The following PSD3 variants were observed in gnomAD, a reference collection of about 807,000 sequenced individuals.
The protein encoded by PSD3 is PH and SEC7 domain-containing protein 3.
A neutral mutation model predicts 105.5 loss-of-function variants in PSD3; 49 were observed. The observed-to-expected ratio is 0.46, with a 90% CI of 0.37 to 0.59. The LOEUF (loss-of-function observed/expected upper bound fraction) is 0.59, where lower values mean the gene tolerates loss of function less well. Among genes scored for constraint, PSD3 ranks in the 20% least tolerant of loss-of-function variants. PSD3 has a pLI of 0.00. For synonymous variants in PSD3, 557 were observed against 457.8 expected, an observed-to-expected ratio of 1.22 and a Z score of -2.77; for missense variants, 1,561 against 1,263.8, an observed-to-expected ratio of 1.24 and a Z score of -3.57.
chr8:18,542,446 A>C (rs1033665049), intron 15 of PSD3, among the ~76,000 whole-genome samples: 2 of 152,224 alleles, frequency 1.3e-5, no homozygotes, highest in Non-Finnish European at 1.5e-5. Context: ...TGCTGTTGGT[A>C]CTAAACAAAT....
chr8:18,645,482 G>C (rs1807962771), intron 10 of PSD3, among the ~76,000 whole-genome samples: 2 of 152,150 alleles, frequency 1.3e-5, no homozygotes, highest in South Asian at 4.1e-4. Context: ...CAGTCAGGGT[G>C]TCTTTGCTGA....
chr8:18,629,689 C>A (rs970183958), intron 11 of PSD3, among the ~76,000 whole-genome samples: 2 of 151,832 alleles, frequency 1.3e-5, no homozygotes, highest in African/African-American at 2.4e-5. Context: ...TCTGTCATAA[C>A]CGTCATAGGA....
At chr8:18,757,204 G>C (rs1806121980) in intron 9 of PSD3, among the ~76,000 whole-genome samples, 1 of 150,624 alleles carries the variant, frequency 6.6e-6, no homozygotes, top group South Asian at 2.1e-4. Flanking sequence ...TGGAATCCCA[G>C]CACTTTGGGA....
At chr8:19,033,921 G>C (rs1827856139) in intron 1 of PSD3, among the ~76,000 whole-genome samples, 1 of 152,108 alleles carries the variant, frequency 6.6e-6, no homozygotes, top group Non-Finnish European at 1.5e-5. Context: ...ATCTAGATTG[G>C]TTCATTGCCC....
intron 9 of PSD3, among the ~76,000 whole-genome samples, chr8:18,675,110 T>G (rs1479622258): frequency 6.6e-6 from 1 of 152,204 alleles, no homozygotes; most frequent in Non-Finnish European, 1.5e-5. Flanking sequence ...TCTCTCAAAG[T>G]ACTTTCTTGT....
chr8:18,702,440 G>A (rs970730441), intron 9 of PSD3, among the ~76,000 whole-genome samples: 1 of 152,036 alleles, frequency 6.6e-6, no homozygotes, highest in Non-Finnish European at 1.5e-5. Context: ...TTTTTGTATT[G>A]TGAATCATAG....
chr8:18,695,505 C>A (rs555214415), intron 9 of PSD3, among the ~76,000 whole-genome samples: 11 of 152,254 alleles, frequency 7.2e-5, no homozygotes, highest in African/African-American at 2.6e-4. Context: ...TGATCTATTC[C>A]CCCTTAAGGG....
intron 8 of PSD3, among the ~76,000 whole-genome samples, chr8:18,767,516 G>A (rs1169134393): frequency 6.6e-6 from 1 of 152,152 alleles, no homozygotes; most frequent in African/African-American, 2.4e-5. Context: ...CGGAGGCCGA[G>A]GCAGGTAGAT....
intron 1 of PSD3, among the ~76,000 whole-genome samples, chr8:18,942,787 T>C (rs1822634022): frequency 1.3e-5 from 2 of 152,226 alleles, no homozygotes; most frequent in East Asian, 1.9e-4. Flanking sequence ...AATTAATTTC[T>C]GTTGTTTCAG....
chr8:18,842,688 G>A (rs966156915), intron 4 of PSD3, among the ~76,000 whole-genome samples: 4 of 151,816 alleles, frequency 2.6e-5, no homozygotes, highest in Admixed American at 1.3e-4. Context: ...AGCCGAGATA[G>A]CGCCACCGCA....
At chr8:18,731,204 A>C (rs982690623) in intron 9 of PSD3, among the ~76,000 whole-genome samples, 6 of 152,152 alleles carry the variant, frequency 3.9e-5, no homozygotes, top group African/African-American at 1.2e-4. Context: ...TGCAGTGAGC[A>C]GAGATTGCAC....
At chr8:18,859,971 G>C (rs1816314806) in intron 4 of PSD3, among the ~76,000 whole-genome samples, 1 of 152,218 alleles carries the variant, frequency 6.6e-6, no homozygotes, top group Non-Finnish European at 1.5e-5. Context: ...TTTGGTGCAA[G>C]AGGTCTAGCC....
At chr8:18,863,870 G>A (rs758536265) in intron 4 of PSD3, among the ~76,000 whole-genome samples, 49 of 152,050 alleles carry the variant, frequency 3.2e-4, no homozygotes, top group Non-Finnish European at 5.6e-4. Context: ...CCCTCTGGCC[G>A]CCAAAGGATG....
intron 12 of PSD3, among the ~76,000 whole-genome samples, chr8:18,599,331 C>T (rs1804264351): frequency 6.6e-6 from 1 of 152,108 alleles, no homozygotes; most frequent in Non-Finnish European, 1.5e-5. Context: ...TTTGGAAAAC[C>T]ATATGGAGTT....
intron 2 of PSD3, among the ~76,000 whole-genome samples, chr8:18,876,201 C>G (rs1158030030): frequency 6.6e-6 from 1 of 152,094 alleles, no homozygotes; most frequent in African/African-American, 2.4e-5. Flanking sequence ...AGCTGGACTA[C>G]AGGTATGCGC....
chr8:18,752,558 A>ATATATTATATATATAATATATATAAT (rs1554489486), intron 9 of PSD3, among the ~76,000 whole-genome samples: 9 of 36,308 alleles, frequency 2.5e-4, no homozygotes, highest in African/African-American at 1.1e-3. Context: ...ATATATAATT[A>ATATATTATATATATAATATATATAAT]TATATATTAT....
intron 4 of PSD3, among the ~76,000 whole-genome samples, chr8:18,836,960 T>G (rs1474943258): frequency 4.6e-5 from 7 of 151,936 alleles, no homozygotes; most frequent in Non-Finnish European, 1.0e-4. Context: ...GTGTTTTTTT[T>G]TTTTTTTAAT....
At chr8:18,820,664 T>C (rs1483471129) in intron 4 of PSD3, among the ~76,000 whole-genome samples, 1 of 152,186 alleles carries the variant, frequency 6.6e-6, no homozygotes, top group Non-Finnish European at 1.5e-5. Flanking sequence ...TTTTTAAATC[T>C]ATTTTCCATC....
At chr8:18,580,746 G>C (rs1380572401) in intron 12 of PSD3, among the ~76,000 whole-genome samples, 1 of 152,118 alleles carries the variant, frequency 6.6e-6, no homozygotes, top group African/African-American at 2.4e-5. Context: ...TAAAGACAGG[G>C]TAAAGGTAAA....
Sources: gnomAD v4.1 joint callset for allele counts (sites outside exome capture counted in the v4.1 genomes callset) on GRCh38, gnomAD v4.1.1 for gene constraint, MANE v1.5 for transcripts, NCBI Gene and HGNC (gene_info 2026-07-23, HGNC 2026-07-21) for gene names.